Variants in SLC30A8 observed in about 807,000 individuals in gnomAD.
SLC30A8 encodes the protein solute carrier family 30 member 8.
A neutral mutation model predicts 36.9 loss-of-function variants in SLC30A8; 27 were observed. That is an observed-to-expected ratio of 0.73 (90% CI 0.54 to 1.01). The LOEUF is 1.01. SLC30A8 is among the 50% of genes least tolerant of loss of function. The probability of loss-of-function intolerance (pLI) is 0.00; values close to 1 mark genes in which losing one functional copy is unlikely to be tolerated. For synonymous variants in SLC30A8, 164 were observed against 172.4 expected, an observed-to-expected ratio of 0.95 and a Z score of 0.38; for missense variants, 439 against 452.0, an observed-to-expected ratio of 0.97 and a Z score of 0.26.
chr8:117,014,898 C>A (rs1816463286), intron 1 of SLC30A8, among the ~76,000 whole-genome samples: 1 of 152,126 alleles, frequency 6.6e-6, no homozygotes, highest in African/African-American at 2.4e-5. Context: ...ATAAAACCTT[C>A]TTCTCTGCTA....
chr8:117,163,576 C>T (rs1006653592), intron 6 of SLC30A8, 46 bp downstream of exon 6: 8 of 1,401,810 alleles, frequency 5.7e-6, no homozygotes, highest in Non-Finnish European at 7.9e-6. Flanking sequence ...GTTTTCTCTT[C>T]CCTAGAATCA....
intron 1 of SLC30A8, among the ~76,000 whole-genome samples, chr8:117,028,966 ATATTT>A (rs1271031484): frequency 6.6e-6 from 1 of 152,142 alleles, no homozygotes; most frequent in South Asian, 2.1e-4. Flanking sequence ...AATGTCAACA[ATATTT>A]TATTTTATCC....
At chr8:116,996,781 A>G (rs1815835322) in intron 1 of SLC30A8, among the ~76,000 whole-genome samples, 1 of 152,174 alleles carries the variant, frequency 6.6e-6, no homozygotes, top group Non-Finnish European at 1.5e-5. Flanking sequence ...TGAAAGTTTG[A>G]TGTTTTGCAT....
intron 2 of SLC30A8, among the ~76,000 whole-genome samples, chr8:117,055,300 G>T (rs1414485440): frequency 6.6e-6 from 1 of 152,194 alleles, no homozygotes; most frequent in Non-Finnish European, 1.5e-5. Context: ...GAGCCCAAAG[G>T]TTCTGCAATG....
intron 1 of SLC30A8, among the ~76,000 whole-genome samples, chr8:116,969,126 A>G (rs1814698511): frequency 6.6e-6 from 1 of 152,148 alleles, no homozygotes. Flanking sequence ...TACTTGCTGT[A>G]AGAACTCGGG....
chr8:117,112,208 T>C (rs1431422487), intron 2 of SLC30A8, among the ~76,000 whole-genome samples: 1 of 152,134 alleles, frequency 6.6e-6, no homozygotes, highest in East Asian at 1.9e-4. Context: ...CTGAGATAGG[T>C]TCAACATGCC....
rs758949776 is a variant in SLC30A8 at position 117,157,800 on chromosome 8, T to C, written c.528T>C (p.Thr176=). Residue 176 remains threonine (T), a synonymous_variant, in exon 4 of 8, where the codon ACT becomes ACC. Coordinates refer to ENST00000456015, the MANE Select transcript of SLC30A8 (RefSeq NM_173851.3). The stretch of plus-strand genomic sequence containing the variant: ...ATCCTGATTACCAGATCCAGGCGAC[T>C]GTGATGATCATCGTTTCCAGCTGCG... ...LLYPDYQIQA[T]VMIIVSSCAV... 1.2e-6 allele frequency: 2 copies of C among 1,614,046 alleles called. No individual in the cohort carries two copies. Among genetic ancestry groups the C allele is most frequent in the African/African-American group, 2.7e-5 (2 of 74,936 alleles).
chr8:117,037,851 G>C (rs1294118671), intron 1 of SLC30A8, among the ~76,000 whole-genome samples: 1 of 152,134 alleles, frequency 6.6e-6, no homozygotes, highest in Non-Finnish European at 1.5e-5. Flanking sequence ...GCAAGATTGG[G>C]CTGGTAAGCA....
chr8:116,985,293 T>TACACACACACAC (rs71305454), intron 1 of SLC30A8, among the ~76,000 whole-genome samples: 16 of 140,236 alleles, frequency 1.1e-4, no homozygotes, highest in Non-Finnish European at 1.8e-4. Flanking sequence ...CTCACACACA[T>TACACACACACAC]ACACACACAC....
At chr8:116,977,293 C>T (rs1338208870) in intron 1 of SLC30A8, among the ~76,000 whole-genome samples, 7 of 148,396 alleles carry the variant, frequency 4.7e-5, no homozygotes, top group Middle Eastern at 3.5e-3. Flanking sequence ...GGACTACAGG[C>T]GCCCGCCACC....
chr8:117,146,572 A>G (rs1482452521), intron 1 of SLC30A8, among the ~76,000 whole-genome samples: 1 of 152,002 alleles, frequency 6.6e-6, no homozygotes, highest in East Asian at 1.9e-4. Flanking sequence ...ACATATCGTA[A>G]TGTACCCTAA....
intron 2 of SLC30A8, among the ~76,000 whole-genome samples, chr8:117,076,791 C>T (rs1329883687): frequency 6.6e-6 from 1 of 151,578 alleles, no homozygotes; most frequent in Non-Finnish European, 1.5e-5. Context: ...TTGGCGGCAC[C>T]TATTAAAGTG....
chr8:117,133,157 A>T (rs962148644), upstream of SLC30A8, among the ~76,000 whole-genome samples: 1 of 152,044 alleles, frequency 6.6e-6, no homozygotes, highest in Non-Finnish European at 1.5e-5. Flanking sequence ...ATTAGACCAC[A>T]TAGGACTTAT....
chr8:116,972,370 T>C lies in SLC30A8; in HGVS notation c.-266+21251T>C, dbSNP rs577860004. Among the ~76,000 whole-genome samples, 651 of 152,308 alleles carry C rather than the reference T, an allele frequency of 4.3e-3. 1 individual carries two copies. Among genetic ancestry groups the C allele is most frequent in the Non-Finnish European group, 8.0e-3 (546 of 68,030 alleles). On this transcript the variant is annotated intron_variant, in intron 1 of 10. Transcript: ENST00000427715. ...AAGGCAGCAGAGCTGTGAACTCTTATTAAATCGATGCAGAGAAGTGAGTCA... is the reference window on the plus strand; with the variant it reads ...AAGGCAGCAGAGCTGTGAACTCTTACTAAATCGATGCAGAGAAGTGAGTCA...
chr8:117,026,210 T>A (rs1158904967), intron 1 of SLC30A8, among the ~76,000 whole-genome samples: 1 of 152,236 alleles, frequency 6.6e-6, no homozygotes, highest in Non-Finnish European at 1.5e-5. Context: ...ATTAGTGACA[T>A]GTCAACATTT....
At chr8:116,990,517 T>G (rs1289952476) in intron 1 of SLC30A8, among the ~76,000 whole-genome samples, 1 of 152,288 alleles carries the variant, frequency 6.6e-6, no homozygotes, top group South Asian at 2.1e-4. Flanking sequence ...TCTAGGAGAA[T>G]TCTACAAAAT....
intron 2 of SLC30A8, among the ~76,000 whole-genome samples, chr8:117,044,118 G>C (rs1265560848): frequency 1.3e-5 from 2 of 152,304 alleles, no homozygotes; most frequent in East Asian, 3.9e-4. Flanking sequence ...ATCCAAAGGA[G>C]GTGACATTTA....
At chr8:117,153,626 A>C (rs181525708) in intron 3 of SLC30A8, among the ~76,000 whole-genome samples, 2 of 149,324 alleles carry the variant, frequency 1.3e-5, no homozygotes, top group Non-Finnish European at 3.0e-5. Flanking sequence ...AAGGAAGAGG[A>C]GAAGATGAAA....
Position 117,135,415 on chromosome 8 carries a change from T to G in SLC30A8, c.71+17T>G, listed in dbSNP as rs1286421294. 6 of 1,558,568 alleles carry G rather than the reference T, an allele frequency of 3.8e-6. No individual in the cohort carries two copies. Among genetic ancestry groups the G allele is most frequent in the African/African-American group, 1.4e-5 (1 of 73,690 alleles). ...ACTAGAAAGGTAATAGATGTCTGTG[T>G]CTGCTTCACAATTTTCTCTGTTGAA... On this transcript the variant is annotated intron_variant, in intron 1 of 7. Coordinates refer to ENST00000456015, the MANE Select transcript of SLC30A8 (RefSeq NM_173851.3).
Sources: allele counts gnomAD v4.1 joint callset (sites outside exome capture counted in the v4.1 genomes callset), GRCh38; gene constraint gnomAD v4.1.1; transcripts MANE v1.5; gene names NCBI Gene and HGNC (gene_info 2026-07-23, HGNC 2026-07-21).